The following PTPRN2 variants were observed in gnomAD, a reference collection of about 807,000 sequenced individuals.
PTPRN2 encodes the protein receptor-type tyrosine-protein phosphatase N2.
PTPRN2 carries 74 observed loss-of-function variants against 118.8 expected under a neutral mutation model. The observed-to-expected ratio is 0.62, with a 90% CI of 0.52 to 0.76. PTPRN2 has a LOEUF of 0.76. Ranked by LOEUF, PTPRN2 falls within the 30% of genes least tolerant of loss-of-function variation. The pLI, the probability that PTPRN2 is intolerant of heterozygous loss-of-function variation, is 0.00. For missense variants in PTPRN2, 1,481 were observed against 1,394.4 expected (o/e 1.06, Z -0.99); for synonymous variants, 641 against 608.0 (o/e 1.05, Z -0.80).
chr7:158,518,676 T>C (rs950025370), intron 1 of PTPRN2, among the ~76,000 whole-genome samples: 9 of 152,112 alleles, frequency 5.9e-5, no homozygotes, highest in African/African-American at 1.9e-4. Flanking sequence ...GGGTCAAACA[T>C]TCGAGCTGAT....
At chr7:158,288,673 TTC>T (rs1158178849) in intron 3 of PTPRN2, among the ~76,000 whole-genome samples, 1 of 152,210 alleles carries the variant, frequency 6.6e-6, no homozygotes, top group Non-Finnish European at 1.5e-5. Context: ...TGTGATAGTT[TTC>T]TCTTTTTACC....
intron 14 of PTPRN2, among the ~76,000 whole-genome samples, chr7:157,642,260 T>C (rs1804717052): frequency 6.6e-6 from 1 of 152,242 alleles, no homozygotes; most frequent in South Asian, 2.1e-4. Flanking sequence ...CATGGTCCTC[T>C]GCCCAGGAGC....
chr7:157,765,581 C>T (rs1045700300), intron 12 of PTPRN2, among the ~76,000 whole-genome samples: 25 of 147,582 alleles, frequency 1.7e-4, no homozygotes, highest in Admixed American at 4.7e-4. Flanking sequence ...ACTCATCCAT[C>T]CATCCATCAT....
intron 12 of PTPRN2, among the ~76,000 whole-genome samples, chr7:157,883,123 C>T (rs1563205137): frequency 6.9e-6 from 1 of 145,546 alleles, no homozygotes; most frequent in Admixed American, 6.8e-5. Context: ...AGGACACCAC[C>T]CCAAAATGAC....
intron 12 of PTPRN2, among the ~76,000 whole-genome samples, chr7:157,766,061 T>TCCATCCATCTATCCGCCCAC (rs1355540685): frequency 6.7e-6 from 1 of 149,208 alleles, no homozygotes; most frequent in African/African-American, 2.5e-5. Context: ...CCTCCATCCA[T>TCCATCCATCTATCCGCCCAC]CCATCCATCT....
rs112149235 is a variant in PTPRN2 at position 158,060,906 on chromosome 7, T to C, written c.1723+20392A>G. ...ATCGAAAGTTTCCTTTATTAAGTTATTTTACCAAGTGAGCTTGTATCAAGG... is the reference window on the plus strand; with the variant it reads ...ATCGAAAGTTTCCTTTATTAAGTTACTTTACCAAGTGAGCTTGTATCAAGG... On this transcript the variant is annotated intron_variant, in intron 11 of 22. Coordinates refer to ENST00000389418, the MANE Select transcript of PTPRN2 (RefSeq NM_002847.5). 4.0e-3 allele frequency among the ~76,000 whole-genome samples: 608 copies of C among 152,370 alleles called. 8 individuals carry two copies. The highest frequency in any genetic ancestry group is 0.014 in the African/African-American group (584 of 41,596).
chr7:158,408,592 C>A (rs1253334102), intron 2 of PTPRN2, among the ~76,000 whole-genome samples: 1 of 152,158 alleles, frequency 6.6e-6, no homozygotes, highest in Non-Finnish European at 1.5e-5. Context: ...AAATCAAAAT[C>A]ATAAAACAAG....
chr7:158,357,095 G>T (rs1257689296), intron 2 of PTPRN2, among the ~76,000 whole-genome samples: 1 of 152,266 alleles, frequency 6.6e-6, no homozygotes, highest in Non-Finnish European at 1.5e-5. Flanking sequence ...CCATGGTCCT[G>T]TGCAAACAAC....
intron 2 of PTPRN2, among the ~76,000 whole-genome samples, chr7:158,461,451 G>C (rs1478523100): frequency 1.3e-5 from 2 of 150,684 alleles, no homozygotes; most frequent in Admixed American, 1.3e-4. Flanking sequence ...AGCTGAGATG[G>C]TGCCACTGCA....
intron 3 of PTPRN2, among the ~76,000 whole-genome samples, chr7:158,280,884 C>T (rs144661911): frequency 3.0e-4 from 45 of 152,318 alleles, no homozygotes; most frequent in South Asian, 2.1e-3. Flanking sequence ...AGAACCAGCA[C>T]GCTGTGAACA....
intron 12 of PTPRN2, among the ~76,000 whole-genome samples, chr7:157,777,394 G>A (rs113701241): frequency 0.016 from 2,160 of 132,154 alleles, 4 homozygotes; most frequent in South Asian, 0.031. Context: ...CGGAGGACAC[G>A]CAGTGCCCCA....
In PTPRN2 at chr7:157,944,531, C is replaced by T. The variant is rs922545238; in HGVS notation, c.1724-45794G>A. Among the ~76,000 whole-genome samples, 6 of 152,202 alleles carry T rather than the reference C, an allele frequency of 3.9e-5. No homozygotes were observed. Among genetic ancestry groups the T allele is most frequent in the Admixed American group, 1.3e-4 (2 of 15,292 alleles). ...ATGGAAAAAGCTTCCTGCAAGCATCCGCACTGCTGCAAATATAATAATTGT... is the reference window on the plus strand; with the variant it reads ...ATGGAAAAAGCTTCCTGCAAGCATCTGCACTGCTGCAAATATAATAATTGT... On this transcript the variant is annotated intron_variant, in intron 11 of 22. Transcript: ENST00000389418. The surrounding 1 kb of genome is among the most constrained non-coding windows in gnomAD (Gnocchi z 4.3).
rs1191263969 is a variant in PTPRN2 at position 158,015,906 on chromosome 7, C to T, written c.1723+65392G>A. Among the ~76,000 whole-genome samples the T allele has an allele frequency of 1.3e-5, 2 of 152,168 alleles. No homozygotes were observed. The highest frequency in any genetic ancestry group is 2.9e-5 in the Non-Finnish European group (2 of 68,030). On this transcript the variant is annotated intron_variant, in intron 11 of 22. Transcript: ENST00000389418. This position sits in a 1 kb window ranked among gnomAD's most constrained non-coding sequence, Gnocchi z 4.2. The stretch of plus-strand genomic sequence containing the variant: ...GGGTCAGCTTCCGCTAAGAAAGCCT[C>T]AGCCACGTCCCTGGGGAAGTTTCAT...
intron 2 of PTPRN2, among the ~76,000 whole-genome samples, chr7:158,376,024 A>C (rs1384590107): frequency 6.6e-6 from 1 of 152,148 alleles, no homozygotes; most frequent in East Asian, 1.9e-4. Context: ...TGAGCTGGTT[A>C]ATACTTAAGC....
At chr7:157,870,862 C>T (rs185076338) in intron 12 of PTPRN2, among the ~76,000 whole-genome samples, 1 of 152,364 alleles carries the variant, frequency 6.6e-6, no homozygotes, top group Admixed American at 6.5e-5. Flanking sequence ...TAAGGGGCTG[C>T]ACACCACAGT....
At chr7:157,771,828 CACACAG>C (rs144013924) in intron 12 of PTPRN2, among the ~76,000 whole-genome samples, 25,358 of 150,498 alleles carry the variant, frequency 0.17, 2,908 homozygotes, top group African/African-American at 0.31. Flanking sequence ...GACACAGAAA[CACACAG>C]ACACAAGACA....
At chr7:158,584,285 C>T (rs1828801931) in intron 1 of PTPRN2, among the ~76,000 whole-genome samples, 1 of 152,132 alleles carries the variant, frequency 6.6e-6, no homozygotes, top group African/African-American at 2.4e-5. Flanking sequence ...AAGTCAGCCT[C>T]CATGTAAGTG....
chr7:158,490,448 C>T lies in PTPRN2; in HGVS notation c.113-663G>A, dbSNP rs1821364788. Among the ~76,000 whole-genome samples, 3 of 152,218 alleles carry T rather than the reference C, an allele frequency of 2.0e-5. No individual in the cohort carries two copies. In the South Asian group the frequency reaches 6.2e-4, roughly 32 times the overall value. On this transcript the variant is annotated intron_variant, in intron 1 of 22. Transcript: ENST00000389418. ...AAGGGGCTCCAGAAGCTCCGCGGTG[C>T]CTGGGTGGCCAGGCGACCCCAAGCC... is the stretch of plus-strand genomic sequence containing the variant.
chr7:158,331,145 G>A (rs1804331429), intron 2 of PTPRN2, among the ~76,000 whole-genome samples: 1 of 141,536 alleles, frequency 7.1e-6, no homozygotes, highest in South Asian at 2.4e-4. Flanking sequence ...GACGCCCGCA[G>A]ACGTCACTCA....
Sources: gnomAD v4.1 joint callset for allele counts (sites outside exome capture counted in the v4.1 genomes callset) on GRCh38, gnomAD v4.1.1 for gene constraint, Gnocchi (gnomAD v3.1) non-coding constraint, MANE v1.5 for transcripts, NCBI Gene and HGNC (gene_info 2026-07-23, HGNC 2026-07-21) for gene names.